Variants in ZNF716 observed in about 807,000 individuals in gnomAD.
The protein encoded by ZNF716 is zinc finger protein 716.
In ZNF716, 9 loss-of-function variants were observed where a neutral mutation model predicts 13.4. The observed-to-expected ratio is 0.67, with a 90% CI of 0.41 to 1.18. The LOEUF is 1.18. ZNF716 is among the 50% of genes most tolerant of loss of function. The probability of loss-of-function intolerance (pLI) is 0.01; values close to 1 mark genes in which losing one functional copy is unlikely to be tolerated. For missense variants in ZNF716, 581 were observed against 576.6 expected (o/e 1.01, Z -0.08); for synonymous variants, 186 against 195.2 (o/e 0.95, Z 0.39).
At chr7:57,466,181 A>G (rs4513913) in intron 3 of ZNF716, among the ~76,000 whole-genome samples, 58,137 of 151,720 alleles carry the variant, frequency 0.38, 11,302 homozygotes, top group East Asian at 0.51. Flanking sequence ...AACTTAAAGT[A>G]TAATAATAAT....
Position 57,455,159 on chromosome 7 carries a change from G to T in ZNF716, c.39+4832G>T, listed in dbSNP as rs550897281. ...CAAACAAGTTTAGAAAGAGGATGAA[G>T]TAAGAATGGTATGATAGAAGGGGGC... On this transcript the variant is annotated intron_variant, in intron 1 of 3. Transcript: ENST00000420713. Among the ~76,000 whole-genome samples, 4 of 152,268 alleles carry T rather than the reference G, an allele frequency of 2.6e-5. No homozygotes were observed. In the South Asian group the frequency reaches 8.3e-4, roughly 32 times the overall value.
In ZNF716 at chr7:57,472,840, ATTTAATTTTTT is replaced by A; in HGVS notation, c.*2902_*2912del. Reference sequence around the variant, plus strand: ...GGACAAATTTGTACTTTTTTACCTTATTTAATTTTTTTTTAATTTTTGTGGGTAGTGTGCAT... The same window carrying A: ...GGACAAATTTGTACTTTTTTACCTTATTTAATTTTTGTGGGTAGTGTGCAT... On this transcript the variant is annotated 3_prime_UTR_variant, in exon 4 of 4. Transcript: ENST00000420713. 1 of 152,016 alleles carries A rather than the reference ATTTAATTTTTT, an allele frequency of 6.6e-6. No homozygotes were observed. Among genetic ancestry groups the A allele is most frequent in the East Asian group, 1.9e-4 (1 of 5,164 alleles). The allele number at this position is 152,016 out of a possible 1,614,324, so 9.4% of individuals were successfully genotyped here. A position where few individuals can be genotyped will look rare whatever the true frequency, so the allele number is the denominator to read the frequency against.
intron 1 of ZNF716, among the ~76,000 whole-genome samples, chr7:57,457,904 A>G (rs1789632430): frequency 6.6e-6 from 1 of 152,198 alleles, no homozygotes; most frequent in Admixed American, 6.5e-5. Flanking sequence ...GACAACATAC[A>G]GTATTTGATT....
intron 3 of ZNF716, 86 bp from the exon 4 acceptor site, chr7:57,468,638 T>G (rs1282828008): frequency 6.6e-6 from 9 of 1,363,172 alleles, no homozygotes; most frequent in Non-Finnish European, 8.9e-6. Context: ...GCTAATGTAC[T>G]TTGTATAATT....
rs528952400 is a variant in ZNF716 at position 57,458,288 on chromosome 7, C to T, written c.40-4172C>T. On this transcript the variant is annotated intron_variant, in intron 1 of 3. Coordinates refer to ENST00000420713, the MANE Select transcript of ZNF716 (RefSeq NM_001159279.1). ...CTCTCACCAGCAGCGTATAAGCATT[C>T]CCTTTCTTCACAACCTCACAAACCT... 1.2e-4 allele frequency among the ~76,000 whole-genome samples: 18 copies of T among 152,282 alleles called. No homozygotes were observed. In the South Asian group the frequency reaches 3.1e-3, roughly 26 times the overall value.
At position 57,470,095 on chromosome 7, in the gene ZNF716, C is replaced by G; in HGVS notation, c.*146C>G. 1.3e-6 allele frequency: 1 copy of G among 762,382 alleles called. No individual in the cohort carries two copies. Among genetic ancestry groups the G allele is most frequent in the East Asian group, 2.9e-5 (1 of 34,686 alleles). 47.2% of individuals were successfully genotyped at this position (762,382 alleles called of 1,614,324 possible). ...AAGATAATTCATATTGGACAAAAGT[C>G]TTATAAATGTAAAAAAAAAAGTAAC... On this transcript the variant is annotated 3_prime_UTR_variant, in exon 4 of 4. Coordinates refer to ENST00000420713, the MANE Select transcript of ZNF716 (RefSeq NM_001159279.1).
intron 3 of ZNF716, among the ~76,000 whole-genome samples, chr7:57,464,115 C>CTTTTTTTTTT (rs782745508): frequency 0.019 from 2,048 of 109,018 alleles, 174 homozygotes; most frequent in East Asian, 0.03. Context: ...TTGTCCATTT[C>CTTTTTTTTTT]TTTTTTCTTT....
chr7:57,450,206 G>T lies in ZNF716; in HGVS notation c.-83G>T. ...TTGCTTCTCTGCGCCCAGAGCTCCAGTCCTTCTCTTCACTGCTCTGCGTCC... is the reference window on the plus strand; with the variant it reads ...TTGCTTCTCTGCGCCCAGAGCTCCATTCCTTCTCTTCACTGCTCTGCGTCC... On this transcript the variant is annotated 5_prime_UTR_variant, in exon 1 of 4. Coordinates refer to ENST00000420713, the MANE Select transcript of ZNF716 (RefSeq NM_001159279.1). 1.3e-6 allele frequency: 2 copies of T among 1,599,518 alleles called. No homozygotes were observed. Among genetic ancestry groups the T allele is most frequent in the South Asian group, 2.2e-5 (2 of 90,150 alleles).
chr7:57,465,988 G>C (rs1211972958), intron 3 of ZNF716, among the ~76,000 whole-genome samples: 1 of 148,778 alleles, frequency 6.7e-6, no homozygotes, highest in African/African-American at 2.5e-5. Flanking sequence ...TGAACAATGA[G>C]AACACATGGA....
chr7:57,471,620 A>G lies in ZNF716; in HGVS notation c.*1671A>G, dbSNP rs1554325304. 1.3e-5 allele frequency: 2 copies of G among 152,216 alleles called. No individual in the cohort carries two copies. The highest frequency in any genetic ancestry group is 4.8e-5 in the African/African-American group (2 of 41,456). 9.4% of individuals were successfully genotyped at this position (152,216 alleles called of 1,614,324 possible). A position where few individuals can be genotyped will look rare whatever the true frequency, so the allele number is the denominator to read the frequency against. On this transcript the variant is annotated 3_prime_UTR_variant, in exon 4 of 4. Transcript: ENST00000420713. ...AACAGATGCTCAAACTTTGTTGAAC[A>G]TCGGAGAATTTATATTGGAGAGAAA...
At chr7:57,461,671 C>G (rs1247047123) in intron 1 of ZNF716, among the ~76,000 whole-genome samples, 3 of 152,122 alleles carry the variant, frequency 2.0e-5, no homozygotes, top group African/African-American at 4.8e-5. Context: ...TCTTACTAGG[C>G]TAGAAACATT....
chr7:57,462,541 T>C lies in ZNF716; in HGVS notation c.121T>C (p.Tyr41His), dbSNP rs782409575. The change falls in exon 2 of 4, where the codon TAT becomes CAT. Residue 41 changes from tyrosine to histidine, a missense_variant. Physicochemically the swap from Tyr to His is moderately conservative, Grantham distance 83. Coordinates refer to ENST00000420713, the MANE Select transcript of ZNF716 (RefSeq NM_001159279.1). ...QCLDHAQQNLYRDVMLENYRN... is the reference protein window; with the variant it reads ...QCLDHAQQNLHRDVMLENYRN... ...CCTGGATCATGCTCAGCAGAATTTA[T>C]ATAGAGATGTGATGTTAGAGAACTA... 15 of 1,613,640 alleles carry C rather than the reference T, an allele frequency of 9.3e-6. No individual in the cohort carries two copies. The South Asian group carries it at 1.6e-4, about 18-fold the overall frequency.
intron 3 of ZNF716, among the ~76,000 whole-genome samples, chr7:57,466,133 T>C (rs1168805371): frequency 2.0e-5 from 3 of 152,056 alleles, no homozygotes; most frequent in Non-Finnish European, 4.4e-5. Context: ...CATGTATACA[T>C]ATGTAACTAA....
intron 1 of ZNF716, among the ~76,000 whole-genome samples, chr7:57,457,698 G>T (rs1308698565): frequency 6.6e-5 from 10 of 152,122 alleles, no homozygotes; most frequent in African/African-American, 2.2e-4. Flanking sequence ...GTGCAGGTTT[G>T]TTGTATAGGT....
In ZNF716 at chr7:57,471,775, A is replaced by G. The variant is rs1789942338; in HGVS notation, c.*1826A>G. ...GTTTAATCAAAAATTAAGTCTACAT[A>G]AACATTTGAGGATTCACAGTAGAAA... is the stretch of plus-strand genomic sequence containing the variant. On this transcript the variant is annotated 3_prime_UTR_variant, in exon 4 of 4. Coordinates refer to ENST00000420713, the MANE Select transcript of ZNF716 (RefSeq NM_001159279.1). 1 of 152,164 alleles carries G rather than the reference A, an allele frequency of 6.6e-6. No homozygotes were observed. The highest frequency in any genetic ancestry group is 1.5e-5 in the Non-Finnish European group (1 of 68,022). The allele number at this position is 152,164 out of a possible 1,614,324, so 9.4% of individuals were successfully genotyped here.
At chr7:57,466,788 T>A (rs1422471838) in intron 3 of ZNF716, among the ~76,000 whole-genome samples, 1 of 152,042 alleles carries the variant, frequency 6.6e-6, no homozygotes, top group Non-Finnish European at 1.5e-5. Context: ...TTTATTTGAA[T>A]TTTTTTGTTG....
At chr7:57,465,977 T>C (rs1425944421) in intron 3 of ZNF716, among the ~76,000 whole-genome samples, 2 of 151,654 alleles carry the variant, frequency 1.3e-5, no homozygotes, top group East Asian at 1.9e-4. Context: ...TAGGTGGGAA[T>C]TGAACAATGA....
intron 1 of ZNF716, among the ~76,000 whole-genome samples, chr7:57,453,904 C>T (rs1789540025): frequency 6.6e-6 from 1 of 152,188 alleles, no homozygotes; most frequent in Non-Finnish European, 1.5e-5. Flanking sequence ...GTGATCTTGG[C>T]TCACTGCAAC....
chr7:57,462,732 C>T, intron 2 of ZNF716, 146 bp downstream of exon 2: 1 of 1,039,808 alleles, frequency 9.6e-7, no homozygotes, highest in Non-Finnish European at 1.4e-6. Flanking sequence ...ATAGCAAATT[C>T]TTCAAGATGT....
Sources: gnomAD v4.1 joint callset for allele counts (sites outside exome capture counted in the v4.1 genomes callset) on GRCh38, gnomAD v4.1.1 for gene constraint, MANE v1.5 for transcripts, NCBI Gene and HGNC (gene_info 2026-07-23, HGNC 2026-07-21) for gene names.